The following SVIL variants were observed in gnomAD, a reference collection of about 807,000 sequenced individuals.
The protein encoded by SVIL is archvillin.
Under a neutral mutation model 240.4 loss-of-function variants are expected in SVIL, and 101 were observed. The observed-to-expected ratio is 0.42, with a 90% CI of 0.36 to 0.50. The LOEUF (loss-of-function observed/expected upper bound fraction) is 0.50. SVIL is among the 20% of genes least tolerant of loss of function. The probability of loss-of-function intolerance (pLI) is 0.01; values close to 1 mark genes in which losing one functional copy is unlikely to be tolerated. For synonymous variants in SVIL, 999 were observed against 1,100.0 expected, an observed-to-expected ratio of 0.91 and a Z score of 1.82; for missense variants, 2,512 against 2,818.7, an observed-to-expected ratio of 0.89 and a Z score of 2.46.
At chr10:29,499,486 C>A (rs1012834239) in intron 17 of SVIL, among the ~76,000 whole-genome samples, 10 of 152,220 alleles carry the variant, frequency 6.6e-5, no homozygotes, top group African/African-American at 2.4e-4. Flanking sequence ...ATGAATGCCT[C>A]TGTCCTGTGA....
Position 29,677,324 on chromosome 10 carries a change from G to T in SVIL, c.-301+9229C>A, listed in dbSNP as rs138507087. ...TCCTCCTGCCCCTTTGTCTTGTCAT[G>T]TACAGGCGATATCCCCAAACCAAAG... On this transcript the variant is annotated intron_variant, in intron 2 of 35. Coordinates refer to the SVIL transcript ENST00000375400. Among the ~76,000 whole-genome samples the T allele has an allele frequency of 5.3e-5, 8 of 152,254 alleles. No homozygotes were observed. In the East Asian group the frequency reaches 1.4e-3, roughly 26 times the overall value.
chr10:29,491,613 C>T lies in SVIL; in HGVS notation c.4020-594G>A, dbSNP rs149804460. Among the ~76,000 whole-genome samples, 484 of 152,270 alleles carry T rather than the reference C, an allele frequency of 3.2e-3. 2 individuals are homozygous for T. Among genetic ancestry groups the T allele is most frequent in the African/African-American group, 0.011 (447 of 41,556 alleles). ...AAAATAGGCCCGCAACCATCTGTGACCACCCCACATTCTCACAATTCTTTG... is the reference window on the plus strand; with the variant it reads ...AAAATAGGCCCGCAACCATCTGTGATCACCCCACATTCTCACAATTCTTTG... On this transcript the variant is annotated intron_variant, in intron 21 of 37. Coordinates refer to ENST00000355867, the MANE Select transcript of SVIL (RefSeq NM_021738.3).
At chr10:29,509,193 T>C (rs1469129764) in intron 17 of SVIL, among the ~76,000 whole-genome samples, 3 of 152,022 alleles carry the variant, frequency 2.0e-5, no homozygotes, top group African/African-American at 4.8e-5. Flanking sequence ...CAAGTATATA[T>C]GCTACGAGAC....
At chr10:29,471,741 AG>A (rs904638990) in intron 30 of SVIL, among the ~76,000 whole-genome samples, 1 of 152,226 alleles carries the variant, frequency 6.6e-6, no homozygotes, top group Admixed American at 6.5e-5. Context: ...CTCTTCCTTC[AG>A]GTGTTATCTG....
intron 17 of SVIL, among the ~76,000 whole-genome samples, chr10:29,506,827 C>T (rs61849287): frequency 0.3 from 42,642 of 142,548 alleles, 6,069 homozygotes; most frequent in African/African-American, 0.31. Context: ...AGGGAAGGGA[C>T]AGAGGCCCTA....
intron 36 of SVIL, among the ~76,000 whole-genome samples, chr10:29,461,531 G>A (rs1179452866): frequency 6.6e-6 from 1 of 152,140 alleles, no homozygotes. Context: ...AAGCAAAGCA[G>A]CTCTCACATG....
At chr10:29,506,093 C>T (rs1209452726) in intron 17 of SVIL, among the ~76,000 whole-genome samples, 1 of 152,108 alleles carries the variant, frequency 6.6e-6, no homozygotes, top group Non-Finnish European at 1.5e-5. Flanking sequence ...TTGTATTGTT[C>T]TTTTTTATTG....
chr10:29,523,688 A>G lies in SVIL; in HGVS notation c.2926T>C (p.Tyr976His). Residue 976 changes from tyrosine to histidine, a missense_variant, in exon 15 of 38, where the codon TAC (tyrosine) becomes CAC (histidine). Tyr to His is a moderately conservative substitution (Grantham distance 83). Transcript: ENST00000355867. ...YGSFEEAEAS[Y>H]PILNRAREGD... is the part of the protein sequence containing the mutation. ...TCCCTGGCTCGGTTCAGGATGGGGT[A>G]GGATGCTTCTGCTTCCTCAAAGGAC... The G allele has an allele frequency of 6.2e-7, 1 of 1,614,174 alleles. No individual in the cohort carries two copies. The highest frequency in any genetic ancestry group is 8.5e-7 in the Non-Finnish European group (1 of 1,180,010).
intron 17 of SVIL, among the ~76,000 whole-genome samples, chr10:29,506,046 A>G (rs1368077258): frequency 1.3e-5 from 2 of 152,088 alleles, no homozygotes; most frequent in Non-Finnish European, 2.9e-5. Context: ...TTATGTAAAT[A>G]GTTGTTCTGC....
rs1416651957 is a variant in SVIL at position 29,543,758 on chromosome 10, T to C, written c.827+6839A>G. Among the ~76,000 whole-genome samples, 11 of 152,232 alleles carry C rather than the reference T, an allele frequency of 7.2e-5. No homozygotes were observed. In the East Asian group the frequency reaches 1.5e-3, roughly 21 times the overall value. ...CCTCCAGAAATCTGATCTAAATACA[T>C]GCATTTATATGCATGTATTACATAT... On this transcript the variant is annotated intron_variant, in intron 6 of 37. Transcript: ENST00000355867.
At chr10:29,652,318 G>A (rs916070950) in intron 3 of SVIL, among the ~76,000 whole-genome samples, 2 of 152,144 alleles carry the variant, frequency 1.3e-5, no homozygotes, top group Admixed American at 6.5e-5. Flanking sequence ...GTTCTTTGGT[G>A]TCTGGCTTCT....
At chr10:29,477,676 G>A (rs554947365) in intron 29 of SVIL, among the ~76,000 whole-genome samples, 29 of 152,302 alleles carry the variant, frequency 1.9e-4, no homozygotes, top group Admixed American at 1.2e-3. Context: ...AAGTGCCATC[G>A]GGCTGTGCTT....
At chr10:29,585,360 C>A (rs1956122904) in intron 1 of SVIL, among the ~76,000 whole-genome samples, 1 of 152,036 alleles carries the variant, frequency 6.6e-6, no homozygotes, top group African/African-American at 2.4e-5. Flanking sequence ...CCATGCCCAG[C>A]CTATTCCTTA....
chr10:29,733,972 T>C (rs143864368), intron 1 of SVIL, among the ~76,000 whole-genome samples: 2 of 152,328 alleles, frequency 1.3e-5, no homozygotes, highest in East Asian at 1.9e-4. Flanking sequence ...TGGGCCATTA[T>C]TTCCAAAGCA....
chr10:29,490,475 C>T (rs754376000), intron 22 of SVIL, among the ~76,000 whole-genome samples: 9 of 151,058 alleles, frequency 6.0e-5, no homozygotes, highest in East Asian at 2.0e-4. Context: ...TAACCGGGTG[C>T]GGTGGCTTGT....
At chr10:29,463,389 G>T in intron 35 of SVIL, 103 bp downstream of exon 35, 1 of 1,401,994 alleles carries the variant, frequency 7.1e-7, no homozygotes, top group Non-Finnish European at 9.4e-7. Flanking sequence ...ATGGATGGAT[G>T]CTGGCTGACA....
chr10:29,493,182 G>T, intron 21 of SVIL, 32 bp downstream of exon 21: 1 of 1,602,902 alleles, frequency 6.2e-7, no homozygotes, highest in Non-Finnish European at 8.5e-7. Flanking sequence ...GCCCTTCTCA[G>T]TGGAGGAAAG....
At position 29,583,896 on chromosome 10, in the gene SVIL, C is replaced by G. The variant is rs568856112; in HGVS notation, c.-200-14584G>C. Among the ~76,000 whole-genome samples, 60 of 152,278 alleles carry G rather than the reference C, an allele frequency of 3.9e-4. 2 individuals carry two copies. In the South Asian group the frequency reaches 0.012, roughly 31 times the overall value. Reference sequence around the variant, plus strand: ...TAACATCTGATTAAGCAAAGGATATCAAACTTGGGTGGCCCTCAGACCACT... The same window carrying G: ...TAACATCTGATTAAGCAAAGGATATGAAACTTGGGTGGCCCTCAGACCACT... On this transcript the variant is annotated intron_variant, in intron 1 of 37. Coordinates refer to ENST00000355867, the MANE Select transcript of SVIL (RefSeq NM_021738.3).
chr10:29,735,105 G>T lies in SVIL; in HGVS notation c.-400+646C>A, dbSNP rs1358102820. 6.6e-6 allele frequency among the ~76,000 whole-genome samples: 1 copy of T among 151,834 alleles called. No individual in the cohort carries two copies. Among genetic ancestry groups the T allele is most frequent in the Non-Finnish European group, 1.5e-5 (1 of 67,958 alleles). ...TCTGGAGCTCCACTCGGGGTGCCAGGGACTGCTGGCTGTCACCCGGGGACT... is the reference window on the plus strand; with the variant it reads ...TCTGGAGCTCCACTCGGGGTGCCAGTGACTGCTGGCTGTCACCCGGGGACT... On this transcript the variant is annotated intron_variant, in intron 1 of 35. Coordinates refer to the SVIL transcript ENST00000375400. This position sits in a 1 kb window ranked among gnomAD's most constrained non-coding sequence, Gnocchi z 4.1.
Sources: gnomAD v4.1 joint callset for allele counts (sites outside exome capture counted in the v4.1 genomes callset) on GRCh38, gnomAD v4.1.1 for gene constraint, Gnocchi (gnomAD v3.1) non-coding constraint, MANE v1.5 for transcripts, NCBI Gene and HGNC (gene_info 2026-07-23, HGNC 2026-07-21) for gene names.